Variants in NBEA observed in about 807,000 individuals in gnomAD.
The protein encoded by NBEA is lysosomal-trafficking regulator 2.
NBEA carries 44 observed loss-of-function variants against 343.4 expected under a neutral mutation model. That is an observed-to-expected ratio of 0.13 (90% CI 0.10 to 0.16). The LOEUF is 0.16. NBEA is among the 10% of genes least tolerant of loss of function. The pLI is 1.00. For missense variants in NBEA, 2,555 were observed against 3,631.3 expected, an observed-to-expected ratio of 0.70 and a Z score of 7.62; for synonymous variants, 1,175 against 1,238.7, an observed-to-expected ratio of 0.95 and a Z score of 1.08.
At chr13:34,984,178 T>G (rs911119587) in intron 1 of NBEA, among the ~76,000 whole-genome samples, 4 of 152,224 alleles carry the variant, frequency 2.6e-5, no homozygotes, top group African/African-American at 9.6e-5. Context: ...GGTCTAACAT[T>G]TAAGTCTTTA....
At chr13:35,435,794 C>T (rs1165472724) in intron 39 of NBEA, among the ~76,000 whole-genome samples, 2 of 151,852 alleles carry the variant, frequency 1.3e-5, no homozygotes, top group Non-Finnish European at 2.9e-5. Context: ...AGTGGGTTTG[C>T]AGTAAAAAAT....
chr13:35,527,977 A>G (rs183268022), intron 41 of NBEA, among the ~76,000 whole-genome samples: 5 of 152,294 alleles, frequency 3.3e-5, no homozygotes, highest in Admixed American at 3.3e-4. Flanking sequence ...AGCCTGGGTG[A>G]CAAAGCAAGA....
intron 12 of NBEA, 109 bp downstream of exon 12, chr13:35,109,551 A>G (rs2066081649): frequency 4.0e-5 from 43 of 1,068,852 alleles, no homozygotes; most frequent in Non-Finnish European, 5.1e-5. Flanking sequence ...CTTATTTTAT[A>G]GTTAATCTGT....
At chr13:35,309,264 A>T (rs2037197875) in intron 35 of NBEA, among the ~76,000 whole-genome samples, 1 of 152,098 alleles carries the variant, frequency 6.6e-6, no homozygotes, top group African/African-American at 2.4e-5. Context: ...TTGTGCTCAG[A>T]GCCCCTTATA....
At chr13:34,974,115 G>A (rs1210736717) in intron 1 of NBEA, among the ~76,000 whole-genome samples, 3 of 152,154 alleles carry the variant, frequency 2.0e-5, no homozygotes, top group Admixed American at 2.0e-4. Context: ...GGTGGGGGAG[G>A]TTCCTCCGGC....
intron 24 of NBEA, among the ~76,000 whole-genome samples, chr13:35,165,779 G>A (rs1443874706): frequency 6.6e-6 from 1 of 151,278 alleles, no homozygotes; most frequent in East Asian, 1.9e-4. Flanking sequence ...CCGCCTCCTG[G>A]GTTCAAGCAA....
chr13:35,322,906 G>T (rs1311899059), intron 36 of NBEA, among the ~76,000 whole-genome samples: 1 of 152,174 alleles, frequency 6.6e-6, no homozygotes. Flanking sequence ...TTGGAGTGCA[G>T]TGGCATGATC....
At chr13:35,354,766 A>T (rs1031274644) in intron 38 of NBEA, among the ~76,000 whole-genome samples, 2 of 152,136 alleles carry the variant, frequency 1.3e-5, no homozygotes, top group Non-Finnish European at 1.5e-5. Flanking sequence ...CACTCTCTAG[A>T]CAATTTTATC....
chr13:35,192,272 G>A (rs1267734669), intron 30 of NBEA, among the ~76,000 whole-genome samples: 9 of 151,932 alleles, frequency 5.9e-5, no homozygotes, highest in Non-Finnish European at 4.4e-5. Context: ...CTGGAAACAC[G>A]AGTTATCTAA....
chr13:35,173,448 T>C lies in NBEA; in HGVS notation c.4424-16T>C. 6.4e-7 allele frequency: 1 copy of C among 1,569,790 alleles called. No individual in the cohort carries two copies. Among genetic ancestry groups the C allele is most frequent in the South Asian group, 1.2e-5 (1 of 83,866 alleles). Reference sequence around the variant, plus strand: ...AACAATTTATATTAACAATATGTTTTTGAATTTTTAAATAGTTTGTTGTGT... The same window carrying C: ...AACAATTTATATTAACAATATGTTTCTGAATTTTTAAATAGTTTGTTGTGT... On this transcript the variant is annotated splice_polypyrimidine_tract_variant and intron_variant, in intron 26 of 58. Transcript: ENST00000379939.
chr13:35,024,703 T>C (rs917552230), intron 1 of NBEA, among the ~76,000 whole-genome samples: 1 of 152,072 alleles, frequency 6.6e-6, no homozygotes, highest in African/African-American at 2.4e-5. Context: ...TAAAATAACA[T>C]AAAATAAAAT....
intron 38 of NBEA, among the ~76,000 whole-genome samples, chr13:35,413,730 T>G (rs2043727637): frequency 6.6e-6 from 1 of 152,174 alleles, no homozygotes; most frequent in Non-Finnish European, 1.5e-5. Context: ...AATTATTGAT[T>G]GTTCATATGT....
chr13:35,644,061 T>C (rs577926426), intron 49 of NBEA, among the ~76,000 whole-genome samples: 2 of 152,322 alleles, frequency 1.3e-5, no homozygotes, highest in East Asian at 3.9e-4. Flanking sequence ...TCTGTACATT[T>C]TTAAATCAGA....
At chr13:35,400,458 G>C (rs2042953984) in intron 38 of NBEA, among the ~76,000 whole-genome samples, 1 of 151,880 alleles carries the variant, frequency 6.6e-6, no homozygotes, top group Non-Finnish European at 1.5e-5. Context: ...TCACAAAAAA[G>C]AAAGGAGACA....
chr13:35,406,536 C>G (rs575938370), intron 38 of NBEA, among the ~76,000 whole-genome samples: 1 of 152,062 alleles, frequency 6.6e-6, no homozygotes, highest in Admixed American at 6.6e-5. Flanking sequence ...CTCCCACTTA[C>G]GAGTGAGAAC....
At chr13:35,487,671 C>T (rs998766472) in intron 41 of NBEA, among the ~76,000 whole-genome samples, 1 of 151,914 alleles carries the variant, frequency 6.6e-6, no homozygotes, top group African/African-American at 2.4e-5. Context: ...AACGCTCTTC[C>T]TAATATTGAA....
At chr13:35,474,089 A>G (rs986921144) in intron 41 of NBEA, 15 of 152,324 alleles carry the variant, frequency 9.8e-5, no homozygotes, top group Non-Finnish European at 2.1e-4. Context: ...TTTTATTTTT[A>G]AGGATTTCAT....
At chr13:35,182,625 C>T (rs2071394710) in intron 29 of NBEA, 97 bp downstream of exon 29, 1 of 1,116,856 alleles carries the variant, frequency 9.0e-7, no homozygotes, top group Non-Finnish European at 1.3e-6. Flanking sequence ...TTCATAATCA[C>T]CTCAAATATT....
intron 26 of NBEA, among the ~76,000 whole-genome samples, chr13:35,172,468 T>TA (rs1245851234): frequency 2.6e-5 from 4 of 151,958 alleles, no homozygotes; most frequent in Non-Finnish European, 5.9e-5. Context: ...TATATATATA[T>TA]TTTTAAAATG....
Sources: allele counts gnomAD v4.1 joint callset (sites outside exome capture counted in the v4.1 genomes callset), GRCh38; gene constraint gnomAD v4.1.1; transcripts MANE v1.5; gene names NCBI Gene and HGNC (gene_info 2026-07-23, HGNC 2026-07-21).